WDR19: variants seen among roughly 807,000 people sequenced by gnomAD.
The protein encoded by WDR19 is WD repeat domain 19, also known as WD repeat-containing protein 19.
A neutral mutation model predicts 180.0 loss-of-function variants in WDR19; 121 were observed. The ratio of observed to expected loss-of-function variants is 0.67; its 90% confidence interval spans 0.58 to 0.78. The LOEUF is 0.78. WDR19 is among the 30% of genes least tolerant of loss of function. The probability of loss-of-function intolerance (pLI) is 0.00; values close to 1 mark genes in which losing one functional copy is unlikely to be tolerated. For missense variants in WDR19, 1,450 were observed against 1,640.7 expected (o/e 0.88, Z 2.01); for synonymous variants, 497 against 540.7 (o/e 0.92, Z 1.12).
intron 34 of WDR19, among the ~76,000 whole-genome samples, chr4:39,277,887 C>G (rs1736058291): frequency 6.6e-6 from 1 of 152,084 alleles, no homozygotes; most frequent in Non-Finnish European, 1.5e-5. Context: ...AATGCTGTCT[C>G]TACTTAAAAC....
At chr4:39,265,296 T>G (rs1021393812) in intron 28 of WDR19, among the ~76,000 whole-genome samples, 1 of 151,964 alleles carries the variant, frequency 6.6e-6, no homozygotes, top group Non-Finnish European at 1.5e-5. Flanking sequence ...TGCTTGCTCT[T>G]GTCCAGGCTC....
intron 9 of WDR19, among the ~76,000 whole-genome samples, chr4:39,213,559 G>A (rs1218511371): frequency 1.3e-5 from 2 of 152,198 alleles, no homozygotes; most frequent in African/African-American, 4.8e-5. Flanking sequence ...GTGATTCCCA[G>A]AGGTTAGAGA....
At chr4:39,185,655 T>C in intron 1 of WDR19, 71 bp from the exon 2 acceptor site, 1 of 1,410,868 alleles carries the variant, frequency 7.1e-7, no homozygotes, top group South Asian at 1.2e-5. Context: ...CATGACCATG[T>C]TTTGATACCT....
chr4:39,267,945 C>T, intron 29 of WDR19, 50 bp from the exon 30 acceptor site: 2 of 1,513,252 alleles, frequency 1.3e-6, no homozygotes, highest in Non-Finnish European at 1.8e-6. Flanking sequence ...AATGTAATCT[C>T]CCCTTAGCTA....
At chr4:39,255,646 T>C (rs1168170235) in intron 26 of WDR19, among the ~76,000 whole-genome samples, 7 of 151,902 alleles carry the variant, frequency 4.6e-5, no homozygotes, top group African/African-American at 1.4e-4. Flanking sequence ...ACATTTAGAG[T>C]TAAAAAAAAA....
intron 30 of WDR19, 78 bp from the exon 31 acceptor site, chr4:39,269,898 A>G: frequency 6.5e-7 from 1 of 1,541,520 alleles, no homozygotes; most frequent in East Asian, 2.3e-5. Flanking sequence ...AACAAAATCC[A>G]CTAGTAAGAT....
intron 5 of WDR19, among the ~76,000 whole-genome samples, chr4:39,194,943 G>A (rs755028333): frequency 6.6e-5 from 10 of 152,322 alleles, no homozygotes; most frequent in Non-Finnish European, 1.3e-4. Context: ...CACCCAGACT[G>A]TACCTCTGGA....
chr4:39,277,273 C>A, intron 34 of WDR19, 130 bp downstream of exon 34: 2 of 1,000,448 alleles, frequency 2.0e-6, no homozygotes, highest in African/African-American at 1.6e-5. Context: ...CAACATCTAG[C>A]ATTTTATTTC....
At chr4:39,220,148 G>A (rs1729505871) in intron 14 of WDR19, among the ~76,000 whole-genome samples, 1 of 152,216 alleles carries the variant, frequency 6.6e-6, no homozygotes, top group East Asian at 1.9e-4. Context: ...TTGAGCCCCA[G>A]GGGTGGGTTG....
chr4:39,275,473 G>A (rs1044605750), intron 33 of WDR19: 2 of 176,212 alleles, frequency 1.1e-5, no homozygotes, highest in South Asian at 1.3e-4. Flanking sequence ...CAGAGCTGGT[G>A]TCACCGTGCC....
intron 17 of WDR19, 114 bp downstream of exon 17, chr4:39,228,804 AT>A (rs869038750): frequency 0.14 from 124,300 of 898,934 alleles, 301 homozygotes; most frequent in East Asian, 0.17. Flanking sequence ...CCTTGCAAGA[AT>A]TTTTTTTTTT....
chr4:39,252,124 A>T (rs1160128047), intron 24 of WDR19, among the ~76,000 whole-genome samples: 1 of 151,974 alleles, frequency 6.6e-6, no homozygotes. Context: ...TCCAACAATG[A>T]TAGACTGGAT....
At chr4:39,241,086 CCT>C (rs1731899308) in intron 21 of WDR19, among the ~76,000 whole-genome samples, 1 of 152,110 alleles carries the variant, frequency 6.6e-6, no homozygotes, top group African/African-American at 2.4e-5. Flanking sequence ...CACTGTGCCA[CCT>C]CTTTTTCCCA....
intron 17 of WDR19, among the ~76,000 whole-genome samples, chr4:39,231,204 G>A (rs554779117): frequency 1.1e-4 from 16 of 151,896 alleles, no homozygotes; most frequent in African/African-American, 3.6e-4. Context: ...CCAGCTATTC[G>A]GGAGGCTGAA....
chr4:39,257,150 C>T (rs764868328), intron 27 of WDR19, among the ~76,000 whole-genome samples: 6 of 152,060 alleles, frequency 3.9e-5, no homozygotes, highest in Admixed American at 6.6e-5. Flanking sequence ...TGGGATCTAG[C>T]GAAGTCCCAC....
chr4:39,230,027 G>A lies in WDR19; in HGVS notation c.1982+1337G>A, dbSNP rs181506136. 2.4e-4 allele frequency among the ~76,000 whole-genome samples: 36 copies of A among 152,186 alleles called. 1 individual carries two copies. The East Asian group carries it at 5.6e-3, about 24-fold the overall frequency. ...TTCCTAACTGCTCTGTCTGCCAATAGCCTTGTAACGATCTCATCTGTTCTC... is the reference window on the plus strand; with the variant it reads ...TTCCTAACTGCTCTGTCTGCCAATAACCTTGTAACGATCTCATCTGTTCTC... On this transcript the variant is annotated intron_variant, in intron 17 of 36. Coordinates refer to ENST00000399820, the MANE Select transcript of WDR19 (RefSeq NM_025132.4).
At position 39,240,177 on chromosome 4, in the gene WDR19, TAAAAAAAAA is replaced by T. The variant is rs55876795; in HGVS notation, c.2364-83_2364-75del. 8.8e-4 allele frequency: 129 copies of T among 146,864 alleles called. 1 individual carries two copies. The highest frequency in any genetic ancestry group is 4.8e-3 in the South Asian group (31 of 6,404). 9.1% of individuals were successfully genotyped at this position (146,864 alleles called of 1,614,324 possible). On this transcript the variant is annotated intron_variant, in intron 20 of 36. Coordinates refer to ENST00000399820, the MANE Select transcript of WDR19 (RefSeq NM_025132.4). ...GGGCAACAGAGTGAGACCCTGTCTC[TAAAAAAAAA>T]AAAAAAAAAAAAAAAAGGAAAAAGT...
chr4:39,271,926 T>C (rs1333781890), intron 31 of WDR19, among the ~76,000 whole-genome samples: 1 of 152,214 alleles, frequency 6.6e-6, no homozygotes, highest in East Asian at 1.9e-4. Context: ...ACATTTTTAA[T>C]TGTATATGAT....
At chr4:39,197,284 G>T (rs1726842708) in intron 5 of WDR19, among the ~76,000 whole-genome samples, 1 of 151,932 alleles carries the variant, frequency 6.6e-6, no homozygotes, top group African/African-American at 2.4e-5. Context: ...AAATTAACCA[G>T]GTGTGGTAGT....
Sources: gnomAD v4.1 joint callset for allele counts (sites outside exome capture counted in the v4.1 genomes callset) on GRCh38, gnomAD v4.1.1 for gene constraint, MANE v1.5 for transcripts, NCBI Gene and HGNC (gene_info 2026-07-23, HGNC 2026-07-21) for gene names.